Variants in CACUL1 observed in about 807,000 individuals in gnomAD.
CACUL1 encodes CDK2-associated and cullin domain-containing protein 1.
A neutral mutation model predicts 45.2 loss-of-function variants in CACUL1; 13 were observed. The ratio of observed to expected loss-of-function variants is 0.29; its 90% CI spans 0.19 to 0.46. CACUL1 has a LOEUF of 0.46. CACUL1 is among the 20% of genes least tolerant of loss of function. The probability of loss-of-function intolerance (pLI) is 1.00; values close to 1 mark genes in which losing one functional copy is unlikely to be tolerated. For synonymous variants in CACUL1, 197 were observed against 174.2 expected, an observed-to-expected ratio of 1.13 and a Z score of -1.03; for missense variants, 421 against 471.4, an observed-to-expected ratio of 0.89 and a Z score of 0.99.
chr10:118,739,227 A>T (rs1845769752), intron 1 of CACUL1, among the ~76,000 whole-genome samples: 1 of 152,076 alleles, frequency 6.6e-6, no homozygotes, highest in African/African-American at 2.4e-5. Context: ...TAAAAATACA[A>T]CATCAAGGAA....
At chr10:118,719,076 T>A (rs1302620552) in intron 3 of CACUL1, among the ~76,000 whole-genome samples, 1 of 152,144 alleles carries the variant, frequency 6.6e-6, no homozygotes, top group Non-Finnish European at 1.5e-5. Context: ...TAAATAACTA[T>A]GATTAATATA....
At chr10:118,706,205 C>T (rs1396817689) in intron 4 of CACUL1, among the ~76,000 whole-genome samples, 1 of 152,178 alleles carries the variant, frequency 6.6e-6, no homozygotes, top group Non-Finnish European at 1.5e-5. Context: ...TTTTATTACT[C>T]ACGCACCTAA....
chr10:118,695,633 CTG>C (rs1455718223), intron 5 of CACUL1, among the ~76,000 whole-genome samples: 3 of 152,196 alleles, frequency 2.0e-5, no homozygotes, highest in Non-Finnish European at 2.9e-5. Context: ...TATTTGGTAA[CTG>C]TGATCAGAGA....
chr10:118,725,284 A>C (rs984152190), intron 3 of CACUL1, among the ~76,000 whole-genome samples: 2 of 152,186 alleles, frequency 1.3e-5, no homozygotes, highest in African/African-American at 4.8e-5. Flanking sequence ...CCTGGGCAAC[A>C]TGGTAAAACC....
chr10:118,698,194 G>A (rs974625703), intron 5 of CACUL1, among the ~76,000 whole-genome samples: 6 of 148,020 alleles, frequency 4.1e-5, no homozygotes, highest in African/African-American at 1.5e-4. Context: ...TAGCCAGGCT[G>A]GAGTGCAGTG....
At chr10:118,697,866 G>A (rs888562947) in intron 5 of CACUL1, among the ~76,000 whole-genome samples, 1 of 152,004 alleles carries the variant, frequency 6.6e-6, no homozygotes. Flanking sequence ...AACATACGAC[G>A]TAAATACTTT....
chr10:118,754,900 G>A lies in CACUL1; in HGVS notation c.-138C>T, dbSNP rs1020737791. The A allele has an allele frequency of 2.1e-5, 26 of 1,238,742 alleles. No homozygotes were observed. Among genetic ancestry groups the A allele is most frequent in the East Asian group, 2.8e-5 (1 of 36,220 alleles). 76.7% of individuals were successfully genotyped at this position (1,238,742 alleles called of 1,614,324 possible). On this transcript the variant is annotated 5_prime_UTR_variant, in exon 1 of 9. Coordinates refer to ENST00000369151, the MANE Select transcript of CACUL1 (RefSeq NM_153810.5). ...GCAGCGGAGAGGGCTGCGGTGCGCA[G>A]GGTCTCTCGCTCTCCGCGGGGCCGA...
chr10:118,751,998 G>A (rs1294902093), intron 1 of CACUL1, among the ~76,000 whole-genome samples: 3 of 152,072 alleles, frequency 2.0e-5, no homozygotes, highest in Admixed American at 6.5e-5. Context: ...TTTAGTAAAT[G>A]CTATCAAATT....
At chr10:118,688,519 G>A (rs1845229980) in intron 7 of CACUL1, among the ~76,000 whole-genome samples, 3 of 152,182 alleles carry the variant, frequency 2.0e-5, no homozygotes. Context: ...CTGGAGGCAG[G>A]AAAAGGAGTA....
Position 118,677,832 on chromosome 10 carries a change from C to G in CACUL1, c.*8296G>C, listed in dbSNP as rs1290623033. 1 of 152,174 alleles carries G rather than the reference C, an allele frequency of 6.6e-6. No homozygotes were observed. Among genetic ancestry groups the G allele is most frequent in the African/African-American group, 2.4e-5 (1 of 41,424 alleles). 9.4% of individuals were successfully genotyped at this position (152,174 alleles called of 1,614,324 possible). On this transcript the variant is annotated 3_prime_UTR_variant, in exon 9 of 9. Coordinates refer to ENST00000369151, the MANE Select transcript of CACUL1 (RefSeq NM_153810.5). ...GTTATAAACATCCCTGTATACGTTT[C>G]TTGGTACACATGCACATGAGTTTTT... is the stretch of plus-strand genomic sequence containing the variant.
intron 3 of CACUL1, among the ~76,000 whole-genome samples, chr10:118,719,532 C>T (rs1845581162): frequency 6.6e-6 from 1 of 152,186 alleles, no homozygotes; most frequent in Admixed American, 6.5e-5. Context: ...AATTTCTTGG[C>T]CGGATGCGGT....
intron 1 of CACUL1, among the ~76,000 whole-genome samples, chr10:118,748,147 T>C (rs1035692533): frequency 1.3e-5 from 2 of 152,152 alleles, no homozygotes; most frequent in Admixed American, 1.3e-4. Context: ...AAATGTTCTC[T>C]TGGTTGTTGT....
intron 7 of CACUL1, among the ~76,000 whole-genome samples, chr10:118,689,821 A>G (rs898755655): frequency 2.6e-5 from 4 of 152,228 alleles, no homozygotes; most frequent in Admixed American, 1.3e-4. Context: ...CAAAATTCAC[A>G]AGAGCTATAT....
At chr10:118,698,804 G>A (rs540777365) in intron 5 of CACUL1, among the ~76,000 whole-genome samples, 18 of 152,146 alleles carry the variant, frequency 1.2e-4, no homozygotes, top group African/African-American at 4.3e-4. Flanking sequence ...ATTTTTGGAT[G>A]ATTTGTTATA....
At chr10:118,722,114 G>A (rs1236023600) in intron 3 of CACUL1, among the ~76,000 whole-genome samples, 4 of 144,946 alleles carry the variant, frequency 2.8e-5, no homozygotes, top group Admixed American at 7.0e-5. Flanking sequence ...ACGGAGTTTC[G>A]CTCTTGTCAC....
chr10:118,681,076 C>CAA lies in CACUL1; in HGVS notation c.*5050_*5051dup, dbSNP rs1442826947. ...ACAGAAGGAGTGATTCAGAACCCAC[C>CAA]AAAAGATCAAGAGCCAAAGTCAGTG... is the stretch of plus-strand genomic sequence containing the variant. On this transcript the variant is annotated 3_prime_UTR_variant, in exon 9 of 9. Transcript: ENST00000369151. 6.6e-6 allele frequency: 1 copy of CAA among 152,144 alleles called. No individual in the cohort carries two copies. Among genetic ancestry groups the CAA allele is most frequent in the African/African-American group, 2.4e-5 (1 of 41,424 alleles). 9.4% of individuals were successfully genotyped at this position (152,144 alleles called of 1,614,324 possible). A position where few individuals can be genotyped will look rare whatever the true frequency, so the allele number is the denominator to read the frequency against.
intron 5 of CACUL1, among the ~76,000 whole-genome samples, chr10:118,699,057 C>A (rs575176954): frequency 1.4e-4 from 22 of 152,268 alleles, no homozygotes; most frequent in South Asian, 6.2e-4. Flanking sequence ...ATGACTATAC[C>A]TATCTTATAG....
intron 1 of CACUL1, among the ~76,000 whole-genome samples, chr10:118,740,130 GA>G (rs1358674781): frequency 3.3e-5 from 5 of 152,164 alleles, no homozygotes; most frequent in Non-Finnish European, 5.9e-5. Flanking sequence ...CTGGGCGACA[GA>G]GCGGGACTCT....
In CACUL1 at chr10:118,683,981, AC is replaced by A. The variant is rs998938901; in HGVS notation, c.*2146del. The A allele has an allele frequency of 1.3e-5, 2 of 152,512 alleles. No homozygotes were observed. Among genetic ancestry groups the A allele is most frequent in the Non-Finnish European group, 2.9e-5 (2 of 68,028 alleles). The allele number at this position is 152,512 out of a possible 1,614,324, so 9.4% of individuals were successfully genotyped here. A position where few individuals can be genotyped will look rare whatever the true frequency, so the allele number is the denominator to read the frequency against. On this transcript the variant is annotated 3_prime_UTR_variant, in exon 9 of 9. Transcript: ENST00000369151. ...CAAGGTTTTGTTGTATTAAGAGCTG[AC>A]CCATAGCCAGCTGCAGTCACTGTGC...
Sources: allele counts gnomAD v4.1 joint callset (sites outside exome capture counted in the v4.1 genomes callset), GRCh38; gene constraint gnomAD v4.1.1; transcripts MANE v1.5; gene names NCBI Gene and HGNC (gene_info 2026-07-23, HGNC 2026-07-21).